The following MIB1 variants were observed in gnomAD, a reference collection of about 807,000 sequenced individuals.
MIB1 encodes the protein E3 ubiquitin-protein ligase MIB1.
MIB1 carries 278 observed loss-of-function variants against 124.5 expected under a neutral mutation model. That is an observed-to-expected ratio of 2.23 (90% CI 2.02 to 2.47). The LOEUF (loss-of-function observed/expected upper bound fraction) is 2.47, where lower values mean the gene tolerates loss of function less well. Among genes scored for constraint, MIB1 ranks in the 30% most tolerant of loss-of-function variants. The pLI is 0.00. For missense variants in MIB1, 957 were observed against 1,254.4 expected, an observed-to-expected ratio of 0.76 and a Z score of 3.58; for synonymous variants, 446 against 429.4, an observed-to-expected ratio of 1.04 and a Z score of -0.48.
chr18:21,858,303 T>C (rs976794919), intron 19 of MIB1, among the ~76,000 whole-genome samples: 6 of 152,354 alleles, frequency 3.9e-5, no homozygotes, highest in African/African-American at 7.2e-5. Context: ...GTCTGGATTG[T>C]GCTCTGGCTG....
In MIB1 at chr18:21,867,564, A is replaced by G. The variant is rs1204599547; in HGVS notation, c.*2898A>G. The G allele has an allele frequency of 1.3e-5, 2 of 152,620 alleles. No individual in the cohort carries two copies. Among genetic ancestry groups the G allele is most frequent in the Admixed American group, 6.5e-5 (1 of 15,280 alleles). The allele number at this position is 152,620 out of a possible 1,614,324, so 9.5% of individuals were successfully genotyped here. A position where few individuals can be genotyped will look rare whatever the true frequency, so the allele number is the denominator to read the frequency against. ...TATTAGACAAATGTTTAGTTGGTCA[A>G]ATTATGCATAAGATATTTGTAACTT... On this transcript the variant is annotated 3_prime_UTR_variant, in exon 21 of 21. Transcript: ENST00000261537.
chr18:21,720,770 G>A (rs999777532), intron 1 of MIB1, among the ~76,000 whole-genome samples: 3 of 152,068 alleles, frequency 2.0e-5, no homozygotes, highest in Non-Finnish European at 4.4e-5. Context: ...GGAACAGAGG[G>A]GGACCCCGTC....
At chr18:21,732,660 A>G (rs1291475757) in intron 1 of MIB1, among the ~76,000 whole-genome samples, 1 of 152,120 alleles carries the variant, frequency 6.6e-6, no homozygotes, top group East Asian at 1.9e-4. Flanking sequence ...TGGCCTCCCA[A>G]AGTGCTGGGA....
intron 6 of MIB1, 185 bp from the exon 7 acceptor site, chr18:21,791,189 A>C (rs1343147763): frequency 1.3e-5 from 6 of 446,702 alleles, no homozygotes; most frequent in East Asian, 1.2e-4. Flanking sequence ...CTAAAAAAAA[A>C]AAAAACAAAA....
chr18:21,833,818 C>T (rs1337672376), intron 12 of MIB1, among the ~76,000 whole-genome samples: 2 of 152,180 alleles, frequency 1.3e-5, no homozygotes, highest in East Asian at 3.9e-4. Context: ...ATTAGTTGTT[C>T]TGGAACTTAA....
At chr18:21,735,129 G>A (rs893687518) in intron 1 of MIB1, among the ~76,000 whole-genome samples, 3 of 152,204 alleles carry the variant, frequency 2.0e-5, no homozygotes, top group African/African-American at 7.2e-5. Flanking sequence ...CCCGTCTGCA[G>A]CTCCCAGCGA....
At chr18:21,773,779 T>G (rs937184195) in intron 4 of MIB1, 51 bp downstream of exon 4, 2 of 1,028,210 alleles carry the variant, frequency 1.9e-6, no homozygotes, top group Non-Finnish European at 2.9e-6. Flanking sequence ...GATGGGTGAA[T>G]AGCTCTTACT....
intron 1 of MIB1, among the ~76,000 whole-genome samples, chr18:21,722,201 C>T (rs914535176): frequency 1.3e-5 from 2 of 151,304 alleles, no homozygotes; most frequent in Admixed American, 6.6e-5. Flanking sequence ...ATTATAGGCA[C>T]GAACCACCAC....
intron 1 of MIB1, among the ~76,000 whole-genome samples, chr18:21,724,898 C>T (rs1034821977): frequency 9.5e-5 from 14 of 146,814 alleles, no homozygotes; most frequent in Admixed American, 2.7e-4. Flanking sequence ...CGCGACCATC[C>T]TGGCTCACAT....
chr18:21,784,865 G>A (rs1461449816), intron 6 of MIB1, among the ~76,000 whole-genome samples: 1 of 152,146 alleles, frequency 6.6e-6, no homozygotes, highest in Non-Finnish European at 1.5e-5. Flanking sequence ...ACCACCTCTT[G>A]TGGAAGATCT....
At chr18:21,707,633 T>G (rs1257291066) in intron 1 of MIB1, among the ~76,000 whole-genome samples, 2 of 152,014 alleles carry the variant, frequency 1.3e-5, no homozygotes, top group African/African-American at 2.4e-5. Flanking sequence ...CATCCGAAGA[T>G]CAGAAGGAAC....
At chr18:21,843,307 AC>A in intron 14 of MIB1, 90 bp downstream of exon 14, 1 of 790,284 alleles carries the variant, frequency 1.3e-6, no homozygotes, top group Non-Finnish European at 1.9e-6. Context: ...ATACAGTGTT[AC>A]ATGTCTCAAG....
At chr18:21,856,201 C>T (rs1194246197) in intron 18 of MIB1, among the ~76,000 whole-genome samples, 1 of 148,064 alleles carries the variant, frequency 6.8e-6, no homozygotes, top group African/African-American at 2.5e-5. Context: ...CTGCAGTCCG[C>T]AGTCCGGCCT....
At chr18:21,742,836 C>T (rs968403344) in intron 1 of MIB1, among the ~76,000 whole-genome samples, 2 of 152,146 alleles carry the variant, frequency 1.3e-5, no homozygotes, top group African/African-American at 4.8e-5. Context: ...TTGGAATGGG[C>T]TCACAGTTAT....
At chr18:21,776,452 G>C (rs2041288498) in intron 4 of MIB1, among the ~76,000 whole-genome samples, 1 of 152,094 alleles carries the variant, frequency 6.6e-6, no homozygotes, top group South Asian at 2.1e-4. Context: ...TCCTTTCCTT[G>C]ATAGGGTAAG....
At chr18:21,794,932 A>G (rs922291457) in intron 7 of MIB1, among the ~76,000 whole-genome samples, 1 of 151,998 alleles carries the variant, frequency 6.6e-6, no homozygotes, top group African/African-American at 2.4e-5. Flanking sequence ...AATTTGCTAG[A>G]TAATGAGTTT....
chr18:21,713,548 G>T (rs1426789453), intron 1 of MIB1, among the ~76,000 whole-genome samples: 10 of 148,706 alleles, frequency 6.7e-5, no homozygotes, highest in African/African-American at 2.5e-4. Context: ...AGGTGGCAGA[G>T]GTTGCAGTGA....
chr18:21,723,604 C>T (rs1292220656), intron 1 of MIB1, among the ~76,000 whole-genome samples: 1 of 152,114 alleles, frequency 6.6e-6, no homozygotes, highest in Non-Finnish European at 1.5e-5. Flanking sequence ...CAACCTCCGC[C>T]TCCTGGGTTC....
intron 1 of MIB1, among the ~76,000 whole-genome samples, chr18:21,727,554 G>A (rs562068105): frequency 1.1e-3 from 166 of 152,166 alleles, no homozygotes; most frequent in African/African-American, 3.8e-3. Context: ...ACCAGCCTGG[G>A]CAACATAACA....
Sources: allele counts gnomAD v4.1 joint callset (sites outside exome capture counted in the v4.1 genomes callset), GRCh38; gene constraint gnomAD v4.1.1; transcripts MANE v1.5; gene names NCBI Gene and HGNC (gene_info 2026-07-23, HGNC 2026-07-21).